The following RELCH variants were observed in gnomAD, a reference collection of about 807,000 sequenced individuals.
RELCH encodes the protein RAB11-binding protein RELCH.
A neutral mutation model predicts 150.3 loss-of-function variants in RELCH; 41 were observed. The observed-to-expected ratio is 0.27, with a 90% CI of 0.21 to 0.35. The LOEUF is 0.35. RELCH is among the 10% of genes least tolerant of loss of function. The probability of loss-of-function intolerance (pLI) is 1.00; values close to 1 mark genes in which losing one functional copy is unlikely to be tolerated. For synonymous variants in RELCH, 478 were observed against 531.8 expected (o/e 0.90, Z 1.39); for missense variants, 1,092 against 1,467.8 (o/e 0.74, Z 4.18).
At chr18:62,222,835 T>C (rs62094278) in intron 5 of RELCH, among the ~76,000 whole-genome samples, 24,760 of 151,978 alleles carry the variant, frequency 0.16, 2,707 homozygotes, top group Middle Eastern at 0.29. Flanking sequence ...AAACAAGTCT[T>C]AAGATGGTGA....
At chr18:62,270,131 C>A (rs374493127) in intron 20 of RELCH, among the ~76,000 whole-genome samples, 4 of 152,144 alleles carry the variant, frequency 2.6e-5, no homozygotes, top group African/African-American at 9.7e-5. Context: ...CAGGACCTCT[C>A]TCTGTCTCCA....
chr18:62,278,976 A>G (rs1374891211), intron 22 of RELCH, among the ~76,000 whole-genome samples: 1 of 152,196 alleles, frequency 6.6e-6, no homozygotes, highest in African/African-American at 2.4e-5. Flanking sequence ...CAGTAATCAA[A>G]ATAATTAAAC....
chr18:62,217,061 C>T lies in RELCH; in HGVS notation c.617-3976C>T, dbSNP rs1393714377. Among the ~76,000 whole-genome samples, 8 of 151,636 alleles carry T rather than the reference C, an allele frequency of 5.3e-5. 1 individual carries two copies. The highest frequency in any genetic ancestry group is 1.2e-4 in the Non-Finnish European group (8 of 67,852). ...TTCGTCACCATGAAATTAAAATAGGCTCAGAGAGGAAAAAAAGAATACATC... is the reference window on the plus strand; with the variant it reads ...TTCGTCACCATGAAATTAAAATAGGTTCAGAGAGGAAAAAAAGAATACATC... On this transcript the variant is annotated intron_variant, in intron 2 of 28. Coordinates refer to ENST00000644646, the MANE Select transcript of RELCH (RefSeq NM_001346231.2).
chr18:62,278,533 G>A (rs953520995), intron 22 of RELCH, among the ~76,000 whole-genome samples: 2 of 151,810 alleles, frequency 1.3e-5, no homozygotes, highest in Non-Finnish European at 2.9e-5. Context: ...TGTTATATAG[G>A]AGGAATACCT....
At chr18:62,224,648 C>T (rs1467225527) in intron 5 of RELCH, among the ~76,000 whole-genome samples, 2 of 151,966 alleles carry the variant, frequency 1.3e-5, no homozygotes, top group African/African-American at 4.8e-5. Flanking sequence ...TTTAAAATAT[C>T]ATGTTCAATA....
At chr18:62,269,410 G>A (rs966828946) in intron 20 of RELCH, 75 of 422,774 alleles carry the variant, frequency 1.8e-4, no homozygotes, top group Non-Finnish European at 1.3e-4. Context: ...TTTTTTTTCA[G>A]ATAAAGGAGT....
At position 62,221,127 on chromosome 18, in the gene RELCH, T is replaced by C; in HGVS notation, c.688+19T>C. On this transcript the variant is annotated intron_variant, in intron 3 of 28. Coordinates refer to ENST00000644646, the MANE Select transcript of RELCH (RefSeq NM_001346231.2). Reference sequence around the variant, plus strand: ...GCCGCAGGTGGTGTACATAAAACTTTTTTGAGACTTTTCAACTTTGACAAT... The same window carrying C: ...GCCGCAGGTGGTGTACATAAAACTTCTTTGAGACTTTTCAACTTTGACAAT... 1 of 1,611,018 alleles carries C rather than the reference T, an allele frequency of 6.2e-7. No homozygotes were observed. The highest frequency in any genetic ancestry group is 8.5e-7 in the Non-Finnish European group (1 of 1,177,704).
intron 1 of RELCH, 127 bp downstream of exon 1, chr18:62,188,158 G>C (rs1268170460): frequency 1.8e-6 from 2 of 1,120,452 alleles, no homozygotes; most frequent in Non-Finnish European, 2.4e-6. Context: ...GTATTGGGGT[G>C]GGGGCGCTCT....
At chr18:62,281,442 G>T (rs2044511623) in intron 24 of RELCH, among the ~76,000 whole-genome samples, 1 of 152,138 alleles carries the variant, frequency 6.6e-6, no homozygotes, top group South Asian at 2.1e-4. Context: ...GTAGATCTCT[G>T]GGCAGACCCT....
chr18:62,214,350 T>G (rs2040354280), intron 2 of RELCH, among the ~76,000 whole-genome samples: 1 of 152,242 alleles, frequency 6.6e-6, no homozygotes, highest in African/African-American at 2.4e-5. Flanking sequence ...TCTTTGCTTT[T>G]ACTTGAAAAG....
chr18:62,251,871 C>G (rs1052541357), intron 11 of RELCH, among the ~76,000 whole-genome samples: 1 of 151,910 alleles, frequency 6.6e-6, no homozygotes, highest in Non-Finnish European at 1.5e-5. Flanking sequence ...CAGCCTCATA[C>G]CTATACAGAA....
At chr18:62,284,980 T>G (rs750188670) in intron 25 of RELCH, among the ~76,000 whole-genome samples, 3 of 152,144 alleles carry the variant, frequency 2.0e-5, no homozygotes, top group Non-Finnish European at 4.4e-5. Flanking sequence ...AATTTTCCAT[T>G]TCTGATTTTT....
rs532708098 is a variant in RELCH, at chr18:62,295,044, T to C, written c.3459+3413T>C. ...CTTGTTTAAAAGTCCAGAAATTCAGTAGGACAAGTCCAGCATCCTGTCCTT... is the reference window on the plus strand; with the variant it reads ...CTTGTTTAAAAGTCCAGAAATTCAGCAGGACAAGTCCAGCATCCTGTCCTT... On this transcript the variant is annotated intron_variant, in intron 27 of 28. Coordinates refer to ENST00000644646, the MANE Select transcript of RELCH (RefSeq NM_001346231.2). Among the ~76,000 whole-genome samples, 98 of 152,344 alleles carry C rather than the reference T, an allele frequency of 6.4e-4. 1 individual carries two copies. The highest frequency in any genetic ancestry group is 1.2e-3 in the Admixed American group (18 of 15,296).
intron 25 of RELCH, chr18:62,284,473 G>T (rs1116290): frequency 6.6e-6 from 1 of 151,952 alleles, no homozygotes; most frequent in Middle Eastern, 3.2e-3. Context: ...TCACATTTTG[G>T]TACAACCAGA....
At chr18:62,279,304 C>T (rs1463332214) in intron 22 of RELCH, among the ~76,000 whole-genome samples, 2 of 152,124 alleles carry the variant, frequency 1.3e-5, no homozygotes, top group African/African-American at 4.8e-5. Flanking sequence ...AATACACTTG[C>T]TATAGCACAA....
At chr18:62,260,941 TTAGA>T (rs1411869287) in intron 15 of RELCH, among the ~76,000 whole-genome samples, 1 of 151,774 alleles carries the variant, frequency 6.6e-6, no homozygotes, top group Admixed American at 6.6e-5. Context: ...AAAAATACAG[TTAGA>T]TAGAAGAAAT....
chr18:62,213,178 A>C (rs2040272976), intron 2 of RELCH, among the ~76,000 whole-genome samples: 1 of 152,076 alleles, frequency 6.6e-6, no homozygotes, highest in Admixed American at 6.6e-5. Flanking sequence ...TTATATTATA[A>C]AATATATGGC....
Position 62,227,479 on chromosome 18 carries a change from C to T in RELCH, c.1049C>T (p.Pro350Leu). 6.2e-7 allele frequency: 1 copy of T among 1,612,914 alleles called. No homozygotes were observed. Residue 350 changes from proline to leucine, a missense_variant, in exon 6 of 29, where the codon CCC becomes CTC. This residue lies in a region of RELCH where 57 missense variants were observed against 41.5 expected (regional missense o/e 1.37). Coordinates refer to ENST00000644646, the MANE Select transcript of RELCH (RefSeq NM_001346231.2). ...ISNLPPTLET[P>L]QPAENSMLVQ... Reference sequence around the variant, plus strand: ...AACCTTCCTCCAACTCTTGAAACTCCCCAGCCTGCAGAGGTGAGAGATAGC... The same window carrying T: ...AACCTTCCTCCAACTCTTGAAACTCTCCAGCCTGCAGAGGTGAGAGATAGC...
intron 16 of RELCH, among the ~76,000 whole-genome samples, chr18:62,263,326 A>G (rs981440408): frequency 1.3e-5 from 2 of 152,042 alleles, no homozygotes; most frequent in African/African-American, 4.8e-5. Context: ...CATCCTGAAC[A>G]TATCCTTCTA....
Sources: gnomAD v4.1 joint callset for allele counts (sites outside exome capture counted in the v4.1 genomes callset) on GRCh38, gnomAD v4.1.1 for gene constraint, gnomAD v4.1.1 regional missense constraint, MANE v1.5 for transcripts, NCBI Gene and HGNC (gene_info 2026-07-23, HGNC 2026-07-21) for gene names.